DEPTOR: variants seen among roughly 807,000 people sequenced by gnomAD.
DEPTOR encodes DEP domain-containing mTOR-interacting protein.
DEPTOR carries 41 observed loss-of-function variants against 41.6 expected under a neutral mutation model. The ratio of observed to expected loss-of-function variants is 0.98; its 90% CI spans 0.77 to 1.28. The LOEUF (loss-of-function observed/expected upper bound fraction) is 1.28. DEPTOR is among the 50% of genes most tolerant of loss of function. The pLI, the probability that DEPTOR is intolerant of heterozygous loss-of-function variation, is 0.00. For synonymous variants in DEPTOR, 195 were observed against 192.3 expected, an observed-to-expected ratio of 1.01 and a Z score of -0.12; for missense variants, 514 against 527.9, an observed-to-expected ratio of 0.97 and a Z score of 0.26.
At chr8:119,979,359 C>A (rs757173571) in intron 4 of DEPTOR, among the ~76,000 whole-genome samples, 7 of 152,084 alleles carry the variant, frequency 4.6e-5, no homozygotes, top group Admixed American at 1.3e-4. Flanking sequence ...TCACTGCAAC[C>A]TCCACCTCCC....
At chr8:119,920,817 C>G (rs1443142597) in intron 1 of DEPTOR, among the ~76,000 whole-genome samples, 1 of 152,076 alleles carries the variant, frequency 6.6e-6, no homozygotes, top group African/African-American at 2.4e-5. Flanking sequence ...GGAAGAGAAA[C>G]TGGAAAACTC....
chr8:119,879,782 G>T (rs1827275730), intron 1 of DEPTOR, among the ~76,000 whole-genome samples: 1 of 151,784 alleles, frequency 6.6e-6, no homozygotes, highest in African/African-American at 2.4e-5. Flanking sequence ...GGCCGAGGTG[G>T]GTGGATCACC....
At chr8:119,971,041 T>C (rs1160985623) in intron 4 of DEPTOR, among the ~76,000 whole-genome samples, 2 of 152,012 alleles carry the variant, frequency 1.3e-5, no homozygotes, top group East Asian at 1.9e-4. Flanking sequence ...CCATCCTGGC[T>C]AACACGGTGA....
At chr8:119,984,441 C>T (rs1367224590) in intron 4 of DEPTOR, among the ~76,000 whole-genome samples, 1 of 152,052 alleles carries the variant, frequency 6.6e-6, no homozygotes, top group Non-Finnish European at 1.5e-5. Flanking sequence ...CCAACAGGCC[C>T]CAGTGTGTGA....
chr8:120,040,466 C>A (rs1329627935), intron 8 of DEPTOR, among the ~76,000 whole-genome samples: 1 of 151,986 alleles, frequency 6.6e-6, no homozygotes, highest in African/African-American at 2.4e-5. Flanking sequence ...GTCCCAGCTA[C>A]TCGGGAGGCT....
intron 4 of DEPTOR, among the ~76,000 whole-genome samples, chr8:119,995,883 C>G (rs1233123370): frequency 6.6e-6 from 1 of 152,152 alleles, no homozygotes; most frequent in Non-Finnish European, 1.5e-5. Context: ...TCTACCTGCA[C>G]TCTTTCAGCT....
At chr8:119,942,571 A>G (rs1828217779) in intron 3 of DEPTOR, among the ~76,000 whole-genome samples, 1 of 152,136 alleles carries the variant, frequency 6.6e-6, no homozygotes, top group Admixed American at 6.6e-5. Flanking sequence ...GATGGTGGAG[A>G]TTGACTGTGC....
intron 8 of DEPTOR, among the ~76,000 whole-genome samples, chr8:120,048,326 A>G (rs1813183689): frequency 1.3e-5 from 2 of 152,210 alleles, no homozygotes; most frequent in African/African-American, 4.8e-5. Flanking sequence ...AGAAAAAAAC[A>G]AAGCCCAGGC....
At position 120,010,658 on chromosome 8, in the gene DEPTOR, A is replaced by C. The variant is rs553659062; in HGVS notation, c.1101+1525A>C. Among the ~76,000 whole-genome samples, 9 of 152,168 alleles carry C rather than the reference A, an allele frequency of 5.9e-5. No individual in the cohort carries two copies. The East Asian group carries it at 1.5e-3, about 26-fold the overall frequency. The stretch of plus-strand genomic sequence containing the variant: ...AAGAAAAAAACACACATATACAGTC[A>C]AGAAAATTTGGAAAATATATGCAAG... On this transcript the variant is annotated intron_variant, in intron 8 of 8. Transcript: ENST00000286234.
intron 4 of DEPTOR, among the ~76,000 whole-genome samples, chr8:119,996,698 T>G (rs539646940): frequency 6.6e-6 from 1 of 152,346 alleles, no homozygotes; most frequent in African/African-American, 2.4e-5. Context: ...CTTTGAAGTC[T>G]GCTATAGATT....
In DEPTOR at chr8:120,025,904, G is replaced by C. The variant is rs563561084; in HGVS notation, c.1101+16771G>C. Among the ~76,000 whole-genome samples the C allele has an allele frequency of 2.6e-5, 4 of 151,880 alleles. No individual in the cohort carries two copies. In the South Asian group the frequency reaches 8.3e-4, roughly 32 times the overall value. ...TACCTTGGCCCAAACGGTCCTACCT[G>C]ATCTGCCTTCCTCCTACGTTACCTC... On this transcript the variant is annotated intron_variant, in intron 8 of 8. Transcript: ENST00000286234.
At chr8:120,001,837 A>C in intron 5 of DEPTOR, 127 bp downstream of exon 5, 1 of 1,166,088 alleles carries the variant, frequency 8.6e-7, no homozygotes, top group Non-Finnish European at 1.1e-6. Context: ...CATAACCAAG[A>C]AGCATGAAAA....
intron 3 of DEPTOR, among the ~76,000 whole-genome samples, chr8:119,961,542 A>G (rs1048131041): frequency 5.9e-5 from 9 of 152,148 alleles, no homozygotes; most frequent in Non-Finnish European, 1.3e-4. Flanking sequence ...CTCTGAGTCT[A>G]AAAGCATTGA....
intron 1 of DEPTOR, among the ~76,000 whole-genome samples, chr8:119,898,946 C>G (rs971110127): frequency 1.3e-5 from 2 of 152,128 alleles, no homozygotes; most frequent in African/African-American, 4.8e-5. Flanking sequence ...AATGGGTTCT[C>G]TCTGTGCAGC....
intron 3 of DEPTOR, among the ~76,000 whole-genome samples, chr8:119,944,212 GA>G (rs1828240061): frequency 6.6e-6 from 1 of 152,160 alleles, no homozygotes; most frequent in Non-Finnish European, 1.5e-5. Context: ...AATCCACTTG[GA>G]AAGTGAGACG....
intron 8 of DEPTOR, among the ~76,000 whole-genome samples, chr8:120,016,806 G>C (rs976993716): frequency 1.3e-5 from 2 of 151,916 alleles, no homozygotes; most frequent in African/African-American, 4.8e-5. Flanking sequence ...GTTTCACCAT[G>C]TTGCCTAGGT....
intron 8 of DEPTOR, among the ~76,000 whole-genome samples, chr8:120,009,555 G>A (rs896852175): frequency 6.6e-6 from 1 of 152,178 alleles, no homozygotes; most frequent in Non-Finnish European, 1.5e-5. Context: ...AGAAGTTGTA[G>A]TGAGCCAAGA....
intron 3 of DEPTOR, among the ~76,000 whole-genome samples, chr8:119,941,090 G>C (rs1828197250): frequency 6.6e-6 from 1 of 151,806 alleles, no homozygotes; most frequent in Non-Finnish European, 1.5e-5. Flanking sequence ...TGGTTAAAAT[G>C]GGGCTGGGCG....
rs1297393898 is a variant in DEPTOR at position 119,929,935 on chromosome 8, A to G, written c.422A>G (p.Glu141Gly). 6.2e-7 allele frequency: 1 copy of G among 1,611,362 alleles called. No homozygotes were observed. The highest frequency in any genetic ancestry group is 8.5e-7 in the Non-Finnish European group (1 of 1,178,026). ...KAFMRGQRLY[E>G]KLMSPENTLL... ...TTTATGAGAGGACAGAGGCTATATG[A>G]AAAGTATGTTCCGCATGAAATCCCC... Residue 141 changes from glutamate to glycine, a missense_variant, in exon 3 of 9, where the codon GAA (glutamate) becomes GGA (glycine). Transcript: ENST00000286234.
Sources: allele counts gnomAD v4.1 joint callset (sites outside exome capture counted in the v4.1 genomes callset), GRCh38; gene constraint gnomAD v4.1.1; transcripts MANE v1.5; gene names NCBI Gene and HGNC (gene_info 2026-07-23, HGNC 2026-07-21).